The following BDNF variants were observed in gnomAD, a reference collection of about 807,000 sequenced individuals.
BDNF encodes the protein brain derived neurotrophic factor.
BDNF carries 1 observed loss-of-function variant against 19.5 expected under a neutral mutation model. The ratio of observed to expected loss-of-function variants is 0.05; its 90% CI spans 0.02 to 0.24. The LOEUF (loss-of-function observed/expected upper bound fraction) is 0.24. BDNF is among the 10% of genes least tolerant of loss of function. The probability of loss-of-function intolerance (pLI) is 1.00; values close to 1 mark genes in which losing one functional copy is unlikely to be tolerated. For missense variants in BDNF, 195 were observed against 317.6 expected (o/e 0.61, Z 2.93); for synonymous variants, 100 against 121.6 (o/e 0.82, Z 1.17).
chr11:27,721,626 A>G (rs536860021), exon 1 of BDNF: 1 of 619,068 alleles, frequency 1.6e-6, no homozygotes, highest in South Asian at 1.9e-5. Context: ...TACAGAAGAC[A>G]AAGCAACTGG....
At position 27,700,418 on chromosome 11, in the gene BDNF, G is replaced by T; in HGVS notation, c.-276C>A. ...CGAGCGGGCGGGTGCGCCCGGGCGC[G>T]GCGGCGGCAGCGTCGGGGACCCGGA... On this transcript the variant is annotated 5_prime_UTR_variant, in exon 1 of 2. Coordinates refer to ENST00000356660, the MANE Select transcript of BDNF (RefSeq NM_001709.5). The T allele has an allele frequency of 2.0e-6, 2 of 985,520 alleles. No homozygotes were observed. Among genetic ancestry groups the T allele is most frequent in the African/African-American group, 1.7e-5 (1 of 57,262 alleles). The allele number at this position is 985,520 out of a possible 1,614,324, so 61.0% of individuals were successfully genotyped here.
chr11:27,672,787 G>A (rs964555145), intron 1 of BDNF, among the ~76,000 whole-genome samples: 2 of 152,028 alleles, frequency 1.3e-5, no homozygotes, highest in African/African-American at 4.8e-5. Flanking sequence ...TTTAAAAAAG[G>A]AAAAAAGGTT....
intron 1 of BDNF, among the ~76,000 whole-genome samples, chr11:27,708,825 C>CTTTTATT (rs764843300): frequency 8.9e-6 from 1 of 112,434 alleles, no homozygotes; most frequent in East Asian, 2.6e-4. Flanking sequence ...TAGAATTCCT[C>CTTTTATT]TTTTTTTTTT....
intron 1 of BDNF, among the ~76,000 whole-genome samples, chr11:27,665,776 G>A (rs750092269): frequency 3.3e-5 from 5 of 152,260 alleles, no homozygotes; most frequent in Admixed American, 6.5e-5. Context: ...CAGGAAGCTC[G>A]AAATGGGTGG....
At position 27,657,939 on chromosome 11, in the gene BDNF, C is replaced by T. The variant is rs757598331; in HGVS notation, c.626G>A (p.Arg209Gln). The change falls in exon 2 of 2, where the codon CGA (arginine) becomes CAA (glutamine). Residue 209 changes from arginine (R) to glutamine (Q), a missense_variant. Physicochemically the swap from Arg to Gln is conservative, Grantham distance 43. Around this residue, in one of 2 missense-constraint regions of BDNF, gnomAD observed 71 missense variants for 162.6 expected, o/e 0.44. Coordinates refer to ENST00000356660, the MANE Select transcript of BDNF (RefSeq NM_001709.5). The surrounding 1 kb of genome is among the most constrained non-coding windows in gnomAD (Gnocchi z 5.0). ...GGCCCGCACGTACGACTGGGTAGTT[C>T]GGCACTGGGAGTTCCAATGCCTTTT... ...IDKRHWNSQC[R>Q]TTQSYVRALT... is the part of the protein sequence containing the mutation. The T allele has an allele frequency of 3.1e-6, 5 of 1,614,100 alleles. No homozygotes were observed. Among genetic ancestry groups the T allele is most frequent in the East Asian group, 2.2e-5 (1 of 44,874 alleles).
rs747657729 is a variant in BDNF at position 27,656,383 on chromosome 11, C to T, written c.*1438G>A. 7.5e-6 allele frequency: 2 copies of T among 268,422 alleles called. No individual in the cohort carries two copies. The highest frequency in any genetic ancestry group is 5.7e-6 in the Non-Finnish European group (1 of 174,238). The allele number at this position is 268,422 out of a possible 1,614,324, so 16.6% of individuals were successfully genotyped here. ...TTGAGTGTGGTCCTCCAGTCGAGAACCTCTTGAGCACAGTTAGATAATGTA... is the reference window on the plus strand; with the variant it reads ...TTGAGTGTGGTCCTCCAGTCGAGAATCTCTTGAGCACAGTTAGATAATGTA... On this transcript the variant is annotated 3_prime_UTR_variant, in exon 2 of 2. Transcript: ENST00000356660.
upstream of BDNF, among the ~76,000 whole-genome samples, chr11:27,705,340 A>G (rs1484258535): frequency 6.6e-6 from 1 of 152,234 alleles, no homozygotes; most frequent in Non-Finnish European, 1.5e-5. Context: ...AAAGGGTTTC[A>G]GGACATTGAA....
At chr11:27,662,314 C>T (rs1853591674) in intron 1 of BDNF, among the ~76,000 whole-genome samples, 2 of 152,188 alleles carry the variant, frequency 1.3e-5, no homozygotes, top group African/African-American at 4.8e-5. Context: ...TCTGAGCCCC[C>T]ATAATGCTTA....
At chr11:27,690,976 T>C (rs1177109982) in intron 1 of BDNF, 1 of 152,112 alleles carries the variant, frequency 6.6e-6, no homozygotes, top group Admixed American at 6.5e-5. Flanking sequence ...CTACTGTGGC[T>C]TCTGCTATAG....
At chr11:27,671,559 AT>A (rs532011392) in intron 1 of BDNF, among the ~76,000 whole-genome samples, 129 of 152,264 alleles carry the variant, frequency 8.5e-4, no homozygotes, top group African/African-American at 2.8e-3. Flanking sequence ...ACTTCAAATA[AT>A]TTTTTGTGTT....
chr11:27,693,154 G>C (rs1638229037), intron 1 of BDNF, among the ~76,000 whole-genome samples: 1 of 152,146 alleles, frequency 6.6e-6, no homozygotes, highest in South Asian at 2.1e-4. Context: ...TCCTTGAACT[G>C]ATGATAATAT....
intron 1 of BDNF, among the ~76,000 whole-genome samples, chr11:27,666,752 A>G (rs1590264325): frequency 2.6e-5 from 4 of 152,332 alleles, no homozygotes; most frequent in African/African-American, 9.6e-5. Context: ...AAAGCCTCCA[A>G]GAAATATGGG....
chr11:27,720,805 T>A, intron 1 of BDNF: 2 of 987,774 alleles, frequency 2.0e-6, no homozygotes, highest in Non-Finnish European at 2.4e-6. Context: ...TTCCACTTCC[T>A]TACGGTTTGT....
intron 1 of BDNF, among the ~76,000 whole-genome samples, chr11:27,679,180 C>T (rs1049473280): frequency 3.3e-5 from 5 of 152,102 alleles, no homozygotes; most frequent in African/African-American, 9.7e-5. Context: ...AACAAGGGAC[C>T]TTGACTTTGG....
chr11:27,665,789 C>A (rs1185764740), intron 1 of BDNF, among the ~76,000 whole-genome samples: 1 of 152,152 alleles, frequency 6.6e-6, no homozygotes, highest in Non-Finnish European at 1.5e-5. Context: ...ATGGGTGGAG[C>A]CCACCGCAGC....
exon 1 of BDNF, chr11:27,721,412 C>T: frequency 1.9e-6 from 3 of 1,614,138 alleles, no homozygotes; most frequent in Non-Finnish European, 2.5e-6. Context: ...TGCTACTCAC[C>T]ATTGTGCCTT....
Position 27,657,396 on chromosome 11 carries a change from C to G in BDNF, c.*425G>C. Reference sequence around the variant, plus strand: ...AAAACAGATATAGTACTAACAAGAACGAAGATACTTACTGTCTAAAATGTA... The same window carrying G: ...AAAACAGATATAGTACTAACAAGAAGGAAGATACTTACTGTCTAAAATGTA... On this transcript the variant is annotated 3_prime_UTR_variant, in exon 2 of 2. Transcript: ENST00000356660. The surrounding 1 kb of genome is among the most constrained non-coding windows in gnomAD (Gnocchi z 5.0). 1 of 1,032,134 alleles carries G rather than the reference C, an allele frequency of 9.7e-7. No individual in the cohort carries two copies. The highest frequency in any genetic ancestry group is 1.2e-6 in the Non-Finnish European group (1 of 858,408). The allele number at this position is 1,032,134 out of a possible 1,614,324, so 63.9% of individuals were successfully genotyped here. A position where few individuals can be genotyped will look rare whatever the true frequency, so the allele number is the denominator to read the frequency against.
chr11:27,688,584 A>G (rs982513729), intron 1 of BDNF, among the ~76,000 whole-genome samples: 11 of 152,200 alleles, frequency 7.2e-5, no homozygotes, highest in African/African-American at 2.7e-4. Flanking sequence ...CAAAGACTGT[A>G]GGAAATGTGT....
At chr11:27,696,485 A>G (rs931746979) in intron 1 of BDNF, 2 of 152,182 alleles carry the variant, frequency 1.3e-5, no homozygotes, top group Non-Finnish European at 1.5e-5. Flanking sequence ...TGTTCAAATG[A>G]TTTCCTCTTC....
Sources: allele counts gnomAD v4.1 joint callset (sites outside exome capture counted in the v4.1 genomes callset), GRCh38; gene constraint gnomAD v4.1.1; regional missense constraint gnomAD v4.1.1; non-coding constraint Gnocchi (gnomAD v3.1); transcripts MANE v1.5; gene names NCBI Gene and HGNC (gene_info 2026-07-23, HGNC 2026-07-21).